Variants in RANBP17 observed in about 807,000 individuals in gnomAD.
The protein encoded by RANBP17 is RAN binding protein 17.
In RANBP17, 158 loss-of-function variants were observed where a neutral mutation model predicts 141.2. That is an observed-to-expected ratio of 1.12 (90% CI 0.98 to 1.28). RANBP17 has a LOEUF of 1.28. Among genes scored for constraint, RANBP17 ranks in the 50% most tolerant of loss-of-function variants. RANBP17 has a pLI of 0.00. For missense variants in RANBP17, 1,438 were observed against 1,290.7 expected (o/e 1.11, Z -1.75); for synonymous variants, 430 against 450.0 (o/e 0.96, Z 0.56).
intron 16 of RANBP17, among the ~76,000 whole-genome samples, chr5:171,175,450 G>A (rs1431706492): frequency 6.6e-6 from 1 of 151,512 alleles, no homozygotes; most frequent in East Asian, 1.9e-4. Context: ...TCCAGCATCT[G>A]TTGTTTCCTG....
intron 14 of RANBP17, among the ~76,000 whole-genome samples, chr5:171,099,645 T>C (rs977405600): frequency 1.8e-4 from 28 of 152,152 alleles, no homozygotes; most frequent in African/African-American, 6.0e-4. Flanking sequence ...CTGTGTTGAG[T>C]AGGAGTGGTG....
At chr5:171,165,317 G>A (rs1349375687) in intron 14 of RANBP17, among the ~76,000 whole-genome samples, 1 of 151,738 alleles carries the variant, frequency 6.6e-6, no homozygotes, top group East Asian at 1.9e-4. Flanking sequence ...AAGTAGCTGG[G>A]ATTACAGGTA....
At chr5:171,191,776 A>G (rs186145904) in intron 18 of RANBP17, among the ~76,000 whole-genome samples, 2 of 152,326 alleles carry the variant, frequency 1.3e-5, no homozygotes, top group Non-Finnish European at 2.9e-5. Flanking sequence ...CTCTGACCAC[A>G]TATTTTCATC....
chr5:170,940,702 G>A (rs1404742446), intron 12 of RANBP17, among the ~76,000 whole-genome samples: 1 of 152,126 alleles, frequency 6.6e-6, no homozygotes, highest in Non-Finnish European at 1.5e-5. Flanking sequence ...TAAGTAGCAA[G>A]TTAGTAAATT....
rs142412999 is a variant in RANBP17 at position 171,265,750 on chromosome 5, C to G, written c.2846C>G (p.Ala949Gly). The change falls in exon 25 of 28, where the codon GCA (alanine) becomes GGA (glycine). Residue 949 changes from alanine (A) to glycine (G), a missense_variant. Transcript: ENST00000523189. The stretch of plus-strand genomic sequence containing the variant: ...GTCACCTACCTCTTCAAGCACATAG[C>G]AAAAGAGGGCAAGAAGCCACTTCGA... ...YIVTYLFKHI[A>G]KEGKKPLRCR... The G allele has an allele frequency of 1.4e-5, 23 of 1,613,914 alleles. No individual in the cohort carries two copies. The African/African-American group carries it at 2.9e-4, about 21-fold the overall frequency.
chr5:171,246,477 T>A (rs985688051), intron 24 of RANBP17, among the ~76,000 whole-genome samples: 1 of 152,236 alleles, frequency 6.6e-6, no homozygotes, highest in Non-Finnish European at 1.5e-5. Flanking sequence ...GTACAATAAT[T>A]GAAAACCATT....
At chr5:170,985,904 T>C (rs961578134) in intron 14 of RANBP17, among the ~76,000 whole-genome samples, 5 of 152,094 alleles carry the variant, frequency 3.3e-5, no homozygotes, top group African/African-American at 1.2e-4. Flanking sequence ...GTTTCCTCCT[T>C]TTTATTTTTT....
At chr5:170,886,644 G>C (rs1769180087) in intron 3 of RANBP17, among the ~76,000 whole-genome samples, 1 of 136,010 alleles carries the variant, frequency 7.4e-6, no homozygotes, top group Non-Finnish European at 1.6e-5. Flanking sequence ...CCATTCATTT[G>C]AGGTGCCTTT....
chr5:171,168,878 C>T (rs1314314234), intron 14 of RANBP17, among the ~76,000 whole-genome samples: 4 of 151,956 alleles, frequency 2.6e-5, no homozygotes, highest in African/African-American at 7.3e-5. Flanking sequence ...TCCCCAGCTT[C>T]TGCTCTCCAC....
chr5:170,971,382 T>C (rs993511355), intron 14 of RANBP17, among the ~76,000 whole-genome samples: 11 of 152,294 alleles, frequency 7.2e-5, no homozygotes, highest in Admixed American at 2.0e-4. Flanking sequence ...GCTATGAAAA[T>C]AGCGATTTTG....
chr5:171,057,342 A>G (rs1783460630), intron 14 of RANBP17, among the ~76,000 whole-genome samples: 1 of 152,036 alleles, frequency 6.6e-6, no homozygotes, highest in African/African-American at 2.4e-5. Flanking sequence ...TATATTTTAA[A>G]TGTTTTCATT....
intron 24 of RANBP17, among the ~76,000 whole-genome samples, chr5:171,258,635 G>A (rs1051090740): frequency 4.6e-5 from 7 of 152,082 alleles, no homozygotes; most frequent in African/African-American, 1.7e-4. Flanking sequence ...ATGGGGAAAG[G>A]ACAGTCTCTC....
intron 22 of RANBP17, among the ~76,000 whole-genome samples, chr5:171,237,708 T>C (rs1420298548): frequency 2.6e-5 from 4 of 152,216 alleles, no homozygotes; most frequent in Non-Finnish European, 5.9e-5. Context: ...TTACTGGTTT[T>C]AGTAGCTGCT....
intron 11 of RANBP17, among the ~76,000 whole-genome samples, chr5:170,922,656 G>T (rs1485180587): frequency 1.3e-5 from 2 of 152,222 alleles, no homozygotes; most frequent in African/African-American, 2.4e-5. Context: ...TGGTCTGCAG[G>T]TTGCTAAGAC....
At chr5:171,258,099 T>TC (rs1274479643) in intron 24 of RANBP17, among the ~76,000 whole-genome samples, 2 of 119,840 alleles carry the variant, frequency 1.7e-5, no homozygotes, top group Non-Finnish European at 3.4e-5. Flanking sequence ...AGAGCAAAAC[T>TC]CCATCTAAAA....
intron 14 of RANBP17, among the ~76,000 whole-genome samples, chr5:171,154,398 T>C (rs764864952): frequency 3.3e-5 from 5 of 152,084 alleles, no homozygotes; most frequent in Non-Finnish European, 5.9e-5. Context: ...TGCGTCAGCC[T>C]CCTGAGTAGC....
intron 18 of RANBP17, among the ~76,000 whole-genome samples, chr5:171,193,952 A>G (rs1174908920): frequency 1.3e-5 from 2 of 152,218 alleles, no homozygotes; most frequent in African/African-American, 2.4e-5. Context: ...TCTACCTGCC[A>G]TATTGATTTA....
At chr5:170,866,641 C>T (rs773466784) in intron 1 of RANBP17, among the ~76,000 whole-genome samples, 1 of 151,290 alleles carries the variant, frequency 6.6e-6, no homozygotes, top group Non-Finnish European at 1.5e-5. Flanking sequence ...CACCACTGCA[C>T]TCTTGCCTGG....
At chr5:170,912,584 T>A (rs955237539) in intron 7 of RANBP17, among the ~76,000 whole-genome samples, 4 of 151,966 alleles carry the variant, frequency 2.6e-5, no homozygotes, top group African/African-American at 9.7e-5. Flanking sequence ...GTTCAGAGAA[T>A]GTTCCAAATT....
Sources: allele counts gnomAD v4.1 joint callset (sites outside exome capture counted in the v4.1 genomes callset), GRCh38; gene constraint gnomAD v4.1.1; transcripts MANE v1.5; gene names NCBI Gene and HGNC (gene_info 2026-07-23, HGNC 2026-07-21).